Variants in LRFN5 observed in about 807,000 individuals in gnomAD.
The protein encoded by LRFN5 is leucine-rich repeat and fibronectin type-III domain-containing protein 5.
In LRFN5, 24 loss-of-function variants were observed where a neutral mutation model predicts 45.6. The observed-to-expected ratio is 0.53, with a 90% CI of 0.38 to 0.74. The LOEUF (loss-of-function observed/expected upper bound fraction) is 0.74, where lower values mean the gene tolerates loss of function less well. Among genes scored for constraint, LRFN5 ranks in the 30% least tolerant of loss-of-function variants. The pLI, the probability that LRFN5 is intolerant of heterozygous loss-of-function variation, is 0.00. For synonymous variants in LRFN5, 340 were observed against 313.8 expected (o/e 1.08, Z -0.88); for missense variants, 776 against 861.5 (o/e 0.90, Z 1.24).
intron 2 of LRFN5, among the ~76,000 whole-genome samples, chr14:41,784,472 T>C (rs1037420866): frequency 6.6e-6 from 1 of 152,080 alleles, no homozygotes; most frequent in Non-Finnish European, 1.5e-5. Context: ...CTCTTTGTCT[T>C]TCTTGTATTA....
rs1039956330 is a variant in LRFN5, at chr14:41,641,994, A to G, written c.-197+33432A>G. On this transcript the variant is annotated intron_variant, in intron 1 of 5. Transcript: ENST00000298119. ...TGAAATTGACCCTAAACCATGTTCT[A>G]TTTCTGACAATGGATTCTTTTCATG... Among the ~76,000 whole-genome samples the G allele has an allele frequency of 8.5e-5, 13 of 152,192 alleles. No individual in the cohort carries two copies. The East Asian group carries it at 1.2e-3, about 14-fold the overall frequency.
Position 41,708,822 on chromosome 14 carries a change from T to C in LRFN5, c.-196-58032T>C, listed in dbSNP as rs539433268. Among the ~76,000 whole-genome samples the C allele has an allele frequency of 3.3e-5, 5 of 152,080 alleles. No homozygotes were observed. The South Asian group carries it at 1.0e-3, about 31-fold the overall frequency. Reference sequence around the variant, plus strand: ...ATTTAGATTCACATTTTAAAATCAATATTCTTCATAGATAGCGTTGTGTAC... The same window carrying C: ...ATTTAGATTCACATTTTAAAATCAACATTCTTCATAGATAGCGTTGTGTAC... On this transcript the variant is annotated intron_variant, in intron 1 of 5. Transcript: ENST00000298119.
chr14:41,715,661 T>C (rs758581350), intron 1 of LRFN5, among the ~76,000 whole-genome samples: 12 of 152,214 alleles, frequency 7.9e-5, no homozygotes, highest in Non-Finnish European at 1.5e-4. Flanking sequence ...TACAAGAGCA[T>C]GCCCCCGTTG....
rs189565691 is a variant in LRFN5 at position 41,883,831 on chromosome 14, A to G, written c.-20-2775A>G. 1.0e-2 allele frequency among the ~76,000 whole-genome samples: 1,507 copies of G among 151,152 alleles called. 25 individuals carry two copies. The highest frequency in any genetic ancestry group is 0.036 in the African/African-American group (1,442 of 40,454). On this transcript the variant is annotated intron_variant, in intron 2 of 5. Transcript: ENST00000298119. ...CTTGGATTTATAGATTTTTTTTAAT[A>G]ACATTCAACAAATTGTTTGCTTTTA...
intron 1 of LRFN5, among the ~76,000 whole-genome samples, chr14:41,739,964 A>G (rs1284304780): frequency 6.6e-6 from 1 of 151,628 alleles, no homozygotes. Context: ...TAAAATTCCT[A>G]GAAACATGTA....
At position 41,887,459 on chromosome 14, in the gene LRFN5, T is replaced by C. The variant is rs745902585; in HGVS notation, c.834T>C (p.Pro278=). 6.2e-7 allele frequency: 1 copy of C among 1,614,170 alleles called. No homozygotes were observed. Among genetic ancestry groups the C allele is most frequent in the Non-Finnish European group, 8.5e-7 (1 of 1,180,024 alleles). The change falls in exon 3 of 6, where the codon CCT becomes CCC. Residue 278 remains proline (P), a synonymous_variant. Transcript: ENST00000298119. The surrounding 1 kb of genome is among the most constrained non-coding windows in gnomAD (Gnocchi z 4.8). ...LLTGRYFWSI[P]EEEFLCEPPL... ...CTGGCCGCTACTTTTGGTCAATTCC[T>C]GAAGAAGAGTTTTTGTGTGAGCCTC...
At chr14:41,717,870 G>A (rs189085556) in intron 1 of LRFN5, among the ~76,000 whole-genome samples, 8 of 152,226 alleles carry the variant, frequency 5.3e-5, no homozygotes, top group Admixed American at 3.3e-4. Context: ...GAAAAGGGTG[G>A]TAGGCCAAAA....
At chr14:41,748,498 A>G (rs1029271781) in intron 1 of LRFN5, among the ~76,000 whole-genome samples, 6 of 152,112 alleles carry the variant, frequency 3.9e-5, no homozygotes, top group African/African-American at 9.6e-5. Flanking sequence ...TGGTGATTGC[A>G]AGGGGCTTCA....
intron 1 of LRFN5, among the ~76,000 whole-genome samples, chr14:41,765,773 C>T (rs1053308837): frequency 6.6e-6 from 1 of 152,066 alleles, no homozygotes; most frequent in African/African-American, 2.4e-5. Flanking sequence ...AATATATAAG[C>T]TATAATTTAC....
intron 2 of LRFN5, among the ~76,000 whole-genome samples, chr14:41,799,150 G>A (rs1887236448): frequency 6.6e-6 from 1 of 151,982 alleles, no homozygotes; most frequent in Admixed American, 6.6e-5. Context: ...AGTGAACTTA[G>A]CTCACGGGTA....
At chr14:41,670,142 G>GTGTGTATATATACATTC (rs1441462641) in intron 1 of LRFN5, among the ~76,000 whole-genome samples, 1 of 25,668 alleles carries the variant, frequency 3.9e-5, no homozygotes, top group East Asian at 8.1e-3. Context: ...TATACATTCT[G>GTGTGTATATATACATTC]TGTGTGTATA....
intron 1 of LRFN5, among the ~76,000 whole-genome samples, chr14:41,688,747 G>A (rs1882232252): frequency 6.6e-6 from 1 of 151,934 alleles, no homozygotes; most frequent in Non-Finnish European, 1.5e-5. Flanking sequence ...AGTGCACAAT[G>A]CTCAGAGGTC....
At chr14:41,694,837 A>C (rs1362472668) in intron 1 of LRFN5, among the ~76,000 whole-genome samples, 1 of 151,992 alleles carries the variant, frequency 6.6e-6, no homozygotes, top group African/African-American at 2.4e-5. Context: ...ATTCCCATAC[A>C]AGATAAGGCC....
chr14:41,668,814 A>G (rs540204666), intron 1 of LRFN5, among the ~76,000 whole-genome samples: 1 of 152,284 alleles, frequency 6.6e-6, no homozygotes, highest in African/African-American at 2.4e-5. Context: ...CTGAAGAATA[A>G]TGAAGCCAAG....
In LRFN5 at chr14:41,798,726, G is replaced by T. The variant is rs562419524; in HGVS notation, c.-21+31697G>T. Among the ~76,000 whole-genome samples the T allele has an allele frequency of 6.9e-4, 105 of 152,006 alleles. 1 individual carries two copies. Among genetic ancestry groups the T allele is most frequent in the African/African-American group, 2.4e-3 (99 of 41,522 alleles). On this transcript the variant is annotated intron_variant, in intron 2 of 5. Transcript: ENST00000298119. ...AAACATTGTCTCATTAGAGGTAAAAGTTTGTATAGTAATCTTTTGCAACTT... is the reference window on the plus strand; with the variant it reads ...AAACATTGTCTCATTAGAGGTAAAATTTTGTATAGTAATCTTTTGCAACTT...
intron 1 of LRFN5, among the ~76,000 whole-genome samples, chr14:41,621,305 A>T (rs1041307470): frequency 2.0e-5 from 3 of 152,150 alleles, no homozygotes; most frequent in Non-Finnish European, 4.4e-5. Flanking sequence ...AAAGCCCATA[A>T]CACAAAACTT....
intron 1 of LRFN5, among the ~76,000 whole-genome samples, chr14:41,684,258 A>G (rs1430236436): frequency 6.6e-6 from 1 of 152,124 alleles, no homozygotes; most frequent in African/African-American, 2.4e-5. Context: ...GTAGACCCCT[A>G]TCTCTTGCTG....
intron 2 of LRFN5, among the ~76,000 whole-genome samples, chr14:41,854,213 C>T (rs975089936): frequency 5.9e-5 from 9 of 152,176 alleles, no homozygotes; most frequent in African/African-American, 1.9e-4. Context: ...TGAGAACATG[C>T]AGTGTTTGGT....
intron 1 of LRFN5, among the ~76,000 whole-genome samples, chr14:41,707,888 C>T (rs527976042): frequency 5.3e-5 from 8 of 151,864 alleles, no homozygotes; most frequent in Non-Finnish European, 1.0e-4. Context: ...AGTTTCTTGG[C>T]CCCTAAATGA....
Sources: allele counts gnomAD v4.1 joint callset (sites outside exome capture counted in the v4.1 genomes callset), GRCh38; gene constraint gnomAD v4.1.1; non-coding constraint Gnocchi (gnomAD v3.1); transcripts MANE v1.5; gene names NCBI Gene and HGNC (gene_info 2026-07-23, HGNC 2026-07-21).